Variants in STOX2 observed in about 807,000 individuals in gnomAD.
STOX2 encodes the protein storkhead box 2.
A neutral mutation model predicts 60.9 loss-of-function variants in STOX2; 28 were observed. The ratio of observed to expected loss-of-function variants is 0.46; its 90% CI spans 0.34 to 0.63. The LOEUF is 0.63. Among genes scored for constraint, STOX2 ranks in the 30% least tolerant of loss-of-function variants. The probability of loss-of-function intolerance (pLI) is 0.01; values close to 1 mark genes in which losing one functional copy is unlikely to be tolerated. For synonymous variants in STOX2, 472 were observed against 463.9 expected (o/e 1.02, Z -0.22); for missense variants, 1,024 against 1,187.7 (o/e 0.86, Z 2.03).
At chr4:183,966,919 T>G (rs1437105371) in intron 1 of STOX2, among the ~76,000 whole-genome samples, 11 of 152,228 alleles carry the variant, frequency 7.2e-5, no homozygotes, top group Admixed American at 7.2e-4. Context: ...TACCTAACTC[T>G]CCCTGATTTC....
At chr4:183,998,545 G>A (rs987660436) in intron 1 of STOX2, among the ~76,000 whole-genome samples, 3 of 152,124 alleles carry the variant, frequency 2.0e-5, no homozygotes, top group Non-Finnish European at 2.9e-5. Flanking sequence ...CATTTCTTAT[G>A]TGTTTATTGA....
chr4:183,973,948 T>C (rs59277241), intron 1 of STOX2, among the ~76,000 whole-genome samples: 62,017 of 152,120 alleles, frequency 0.41, 12,978 homozygotes, highest in Middle Eastern at 0.49. Context: ...GAGCAGAGAT[T>C]GTGCCACTGC....
At chr4:184,013,657 G>A (rs1270424896) in intron 3 of STOX2, among the ~76,000 whole-genome samples, 4 of 152,160 alleles carry the variant, frequency 2.6e-5, no homozygotes, top group Admixed American at 6.5e-5. Flanking sequence ...GAGTTGTCTC[G>A]CTGATCCAGG....
At chr4:183,876,625 G>C (rs908024022) in intron 1 of STOX2, among the ~76,000 whole-genome samples, 1 of 152,222 alleles carries the variant, frequency 6.6e-6, no homozygotes, top group African/African-American at 2.4e-5. Flanking sequence ...GGAGGCAGCC[G>C]CTCAGGGTGC....
At chr4:183,986,848 A>G (rs1732865866) in intron 1 of STOX2, among the ~76,000 whole-genome samples, 1 of 152,170 alleles carries the variant, frequency 6.6e-6, no homozygotes, top group Non-Finnish European at 1.5e-5. Flanking sequence ...AGGAGAGGAT[A>G]GGACGCTTTC....
At chr4:183,804,653 C>G (rs1318607051) in intron 1 of STOX2, among the ~76,000 whole-genome samples, 1 of 152,220 alleles carries the variant, frequency 6.6e-6, no homozygotes, top group Non-Finnish European at 1.5e-5. Flanking sequence ...ACATTAAAAT[C>G]TCAGGATTAA....
chr4:183,881,196 C>T (rs1444963681), intron 1 of STOX2, among the ~76,000 whole-genome samples: 1 of 152,112 alleles, frequency 6.6e-6, no homozygotes, highest in Non-Finnish European at 1.5e-5. Flanking sequence ...ATCTTAGTCC[C>T]AGTCGTGGAG....
chr4:183,935,058 T>C (rs1489481186), intron 1 of STOX2, among the ~76,000 whole-genome samples: 1 of 152,270 alleles, frequency 6.6e-6, no homozygotes, highest in African/African-American at 2.4e-5. Flanking sequence ...CCATCTCCAG[T>C]TGTAATCCTG....
intron 1 of STOX2, among the ~76,000 whole-genome samples, chr4:183,938,601 G>A (rs762447780): frequency 8.0e-5 from 12 of 150,540 alleles, no homozygotes; most frequent in Admixed American, 2.7e-4. Flanking sequence ...CCCAGGAGGC[G>A]GAGGCTGCAG....
intron 1 of STOX2, among the ~76,000 whole-genome samples, chr4:183,935,309 G>T (rs1455520620): frequency 1.3e-5 from 2 of 152,164 alleles, no homozygotes; most frequent in African/African-American, 4.8e-5. Context: ...ATACCTAAAA[G>T]CTCCCCAGAG....
chr4:183,863,439 C>G (rs1049326871), intron 1 of STOX2, among the ~76,000 whole-genome samples: 5 of 152,212 alleles, frequency 3.3e-5, no homozygotes, highest in African/African-American at 1.2e-4. Context: ...AAAGTCTTCT[C>G]TGTGTGAAAG....
At chr4:183,952,436 A>C (rs760810454) in intron 1 of STOX2, among the ~76,000 whole-genome samples, 1 of 152,260 alleles carries the variant, frequency 6.6e-6, no homozygotes, top group Non-Finnish European at 1.5e-5. Flanking sequence ...AGATCTCACA[A>C]ATATATTTAG....
intron 3 of STOX2, chr4:184,014,351 G>A (rs1259278846): frequency 1.3e-5 from 2 of 152,062 alleles, no homozygotes; most frequent in Non-Finnish European, 2.9e-5. Context: ...TTTCAAATAT[G>A]AGGCCTAAAG....
At chr4:183,970,908 TATC>T (rs1363187118) in intron 1 of STOX2, among the ~76,000 whole-genome samples, 1 of 152,242 alleles carries the variant, frequency 6.6e-6, no homozygotes, top group Non-Finnish European at 1.5e-5. Context: ...GCTGTCCTAT[TATC>T]AGTAAACTGC....
chr4:183,924,970 A>T (rs547798802), intron 1 of STOX2, among the ~76,000 whole-genome samples: 11 of 152,256 alleles, frequency 7.2e-5, no homozygotes, highest in African/African-American at 2.6e-4. Flanking sequence ...AATTTGTATG[A>T]TGAGTGATTT....
intron 1 of STOX2, among the ~76,000 whole-genome samples, chr4:183,828,690 C>G (rs1479539726): frequency 6.6e-6 from 1 of 152,178 alleles, no homozygotes. Flanking sequence ...CTGAAAATGT[C>G]TTGACAAATG....
chr4:183,871,979 A>G (rs1042872137), intron 1 of STOX2, among the ~76,000 whole-genome samples: 50 of 152,316 alleles, frequency 3.3e-4, no homozygotes, highest in African/African-American at 1.1e-3. Flanking sequence ...ATAACTTAAT[A>G]TGAAGTGCTG....
intron 1 of STOX2, among the ~76,000 whole-genome samples, chr4:183,931,117 A>G (rs1742409193): frequency 6.6e-6 from 1 of 152,164 alleles, no homozygotes; most frequent in African/African-American, 2.4e-5. Context: ...ATCATCTACT[A>G]TAATATATTA....
At chr4:183,798,088 C>G in intron 1 of STOX2, 5 of 1,225,318 alleles carry the variant, frequency 4.1e-6, no homozygotes, top group Non-Finnish European at 5.1e-6. Flanking sequence ...CGTCCCGTCC[C>G]TTCCCACCGG....
Sources: gnomAD v4.1 joint callset for allele counts (sites outside exome capture counted in the v4.1 genomes callset) on GRCh38, gnomAD v4.1.1 for gene constraint, MANE v1.5 for transcripts, NCBI Gene and HGNC (gene_info 2026-07-23, HGNC 2026-07-21) for gene names.